Variants in FBXO2 observed in about 807,000 individuals in gnomAD.
The protein encoded by FBXO2 is F-box protein 2.
In FBXO2, 32 loss-of-function variants were observed where a neutral mutation model predicts 38.6. The ratio of observed to expected loss-of-function variants is 0.83; its 90% CI spans 0.62 to 1.11. FBXO2 has a LOEUF of 1.11. FBXO2 is among the 50% of genes most tolerant of loss of function. FBXO2 has a pLI of 0.00. For synonymous variants in FBXO2, 189 were observed against 182.9 expected (o/e 1.03, Z -0.27); for missense variants, 450 against 418.3 (o/e 1.08, Z -0.66).
chr1:11,650,226 T>A, intron 2 of FBXO2, 152 bp from the exon 3 acceptor site: 3 of 1,354,624 alleles, frequency 2.2e-6, no homozygotes, highest in Non-Finnish European at 3.0e-6. Context: ...AGTTTCTAAA[T>A]CTGCCTCCCG....
In FBXO2 at chr1:11,648,559, G is replaced by T. The variant is rs1639454561; in HGVS notation, c.*135C>A. ...AAAACTTCTCTCTCCCTGCTCAGGGGCTGGGATCGGAGCAAGGGATGGGAG... is the reference window on the plus strand; with the variant it reads ...AAAACTTCTCTCTCCCTGCTCAGGGTCTGGGATCGGAGCAAGGGATGGGAG... On this transcript the variant is annotated 3_prime_UTR_variant, in exon 6 of 6. Coordinates refer to ENST00000354287, the MANE Select transcript of FBXO2 (RefSeq NM_012168.6). This position sits in a 1 kb window ranked among gnomAD's most constrained non-coding sequence, Gnocchi z 4.2. 8.0e-7 allele frequency: 1 copy of T among 1,244,780 alleles called. No homozygotes were observed. The highest frequency in any genetic ancestry group is 2.6e-5 in the Admixed American group (1 of 38,980). 77.1% of individuals were successfully genotyped at this position (1,244,780 alleles called of 1,614,324 possible). A position where few individuals can be genotyped will look rare whatever the true frequency, so the allele number is the denominator to read the frequency against.
In FBXO2 at chr1:11,648,562, G is replaced by A; in HGVS notation, c.*132C>T. ...ACTTCTCTCTCCCTGCTCAGGGGCT[G>A]GGATCGGAGCAAGGGATGGGAGGAG... On this transcript the variant is annotated 3_prime_UTR_variant, in exon 6 of 6. Transcript: ENST00000354287. The surrounding 1 kb of genome is among the most constrained non-coding windows in gnomAD (Gnocchi z 4.2). 1 of 1,269,084 alleles carries A rather than the reference G, an allele frequency of 7.9e-7. No homozygotes were observed. Among genetic ancestry groups the A allele is most frequent in the Non-Finnish European group, 1.1e-6 (1 of 924,580 alleles). 78.6% of individuals were successfully genotyped at this position (1,269,084 alleles called of 1,614,324 possible). A position where few individuals can be genotyped will look rare whatever the true frequency, so the allele number is the denominator to read the frequency against.
Position 11,654,415 on chromosome 1 carries a change from G to A in FBXO2, c.-75C>T. ...GCGAGTCCCGGGGCGGCGAGTCCCG[G>A]CGCTGTCCGCGTCTGTGTCGGTCCC... On this transcript the variant is annotated 5_prime_UTR_variant, in exon 1 of 6. Transcript: ENST00000354287. The A allele has an allele frequency of 1.5e-6, 2 of 1,309,182 alleles. No homozygotes were observed. Among genetic ancestry groups the A allele is most frequent in the Non-Finnish European group, 9.8e-7 (1 of 1,025,398 alleles). The allele number at this position is 1,309,182 out of a possible 1,614,324, so 81.1% of individuals were successfully genotyped here. A position where few individuals can be genotyped will look rare whatever the true frequency, so the allele number is the denominator to read the frequency against.
chr1:11,653,569 A>C (rs535508875), intron 1 of FBXO2: 1 of 152,296 alleles, frequency 6.6e-6, no homozygotes, highest in South Asian at 2.1e-4. Flanking sequence ...CTGAGCTTTC[A>C]TCAGTCTGTT....
rs1639506029 is a variant in FBXO2, at chr1:11,650,732, GC to G, written c.124del (p.Ala42ProfsTer75). 2 of 1,528,964 alleles carry G rather than the reference GC, an allele frequency of 1.3e-6. No individual in the cohort carries two copies. Among genetic ancestry groups the G allele is most frequent in the African/African-American group, 2.8e-5 (2 of 71,310 alleles). 94.7% of individuals were successfully genotyped at this position (1,528,964 alleles called of 1,614,324 possible). A position where few individuals can be genotyped will look rare whatever the true frequency, so the allele number is the denominator to read the frequency against. ...CAGCTCGTCCAGGTACGCGGCGGCG[GC>G]CGCCGCCTCCTCCTCCTGCTGGTCC... ...PEDQQEEEAA[A>X]AAAYLDELPE... On this transcript the variant is annotated frameshift_variant, in exon 2 of 6. Coordinates refer to ENST00000354287, the MANE Select transcript of FBXO2 (RefSeq NM_012168.6). LOFTEE classifies it high-confidence loss of function.
intron 1 of FBXO2, chr1:11,653,996 C>A: frequency 2.8e-6 from 1 of 352,462 alleles, no homozygotes; most frequent in Non-Finnish European, 5.1e-6. Context: ...CGCAGCCTCC[C>A]TCCCAGACGC....
intron 2 of FBXO2, 102 bp from the exon 3 acceptor site, chr1:11,650,176 TTGG>T: frequency 6.6e-7 from 1 of 1,524,426 alleles, no homozygotes; most frequent in Non-Finnish European, 8.9e-7. Flanking sequence ...ACTTGGTGTC[TTGG>T]TGGGCAGATG....
At chr1:11,649,005 G>A in intron 5 of FBXO2, 82 bp downstream of exon 5, 1 of 1,357,746 alleles carries the variant, frequency 7.4e-7, no homozygotes, top group African/African-American at 1.4e-5. Context: ...CCCCAGCCCA[G>A]GAGCGCTGTG....
In FBXO2 at chr1:11,648,952, T is replaced by G. The variant is rs566553695; in HGVS notation, c.757-124A>C. 8 of 1,471,804 alleles carry G rather than the reference T, an allele frequency of 5.4e-6. No homozygotes were observed. Among genetic ancestry groups the G allele is most frequent in the Non-Finnish European group, 7.4e-6 (8 of 1,083,594 alleles). 91.2% of individuals were successfully genotyped at this position (1,471,804 alleles called of 1,614,324 possible). A position where few individuals can be genotyped will look rare whatever the true frequency, so the allele number is the denominator to read the frequency against. ...TTTCTCCGCGGTATTCAGAACTCTCTCCACCACCCGGTGACTATCTCAGCC... is the reference window on the plus strand; with the variant it reads ...TTTCTCCGCGGTATTCAGAACTCTCGCCACCACCCGGTGACTATCTCAGCC... On this transcript the variant is annotated intron_variant, in intron 5 of 5. Transcript: ENST00000354287. This position sits in a 1 kb window ranked among gnomAD's most constrained non-coding sequence, Gnocchi z 4.2.
At position 11,648,788 on chromosome 1, in the gene FBXO2, A is replaced by AAGCGGACGC; in HGVS notation, c.788_796dup (p.Arg265_Phe266insCysValArg). 1 of 1,613,736 alleles carries AAGCGGACGC rather than the reference A, an allele frequency of 6.2e-7. No homozygotes were observed. The highest frequency in any genetic ancestry group is 8.5e-7 in the Non-Finnish European group (1 of 1,180,018). Reference sequence around the variant, plus strand: ...CTGCCCCCCGTGCTCGAAGCGGACGAAGCGGACGCCCGGCCCGTAGTCGGT... The same window carrying AAGCGGACGC: ...CTGCCCCCCGTGCTCGAAGCGGACGAAGCGGACGCAGCGGACGCCCGGCCCGTAGTCGGT... On this transcript the variant is annotated inframe_insertion, in exon 6 of 6. Coordinates refer to ENST00000354287, the MANE Select transcript of FBXO2 (RefSeq NM_012168.6). This position sits in a 1 kb window ranked among gnomAD's most constrained non-coding sequence, Gnocchi z 4.2.
At position 11,648,554 on chromosome 1, in the gene FBXO2, C is replaced by A; in HGVS notation, c.*140G>T. On this transcript the variant is annotated 3_prime_UTR_variant, in exon 6 of 6. Coordinates refer to ENST00000354287, the MANE Select transcript of FBXO2 (RefSeq NM_012168.6). The surrounding 1 kb of genome is among the most constrained non-coding windows in gnomAD (Gnocchi z 4.2). ...CCAACAAAACTTCTCTCTCCCTGCTCAGGGGCTGGGATCGGAGCAAGGGAT... is the reference window on the plus strand; with the variant it reads ...CCAACAAAACTTCTCTCTCCCTGCTAAGGGGCTGGGATCGGAGCAAGGGAT... The A allele has an allele frequency of 8.2e-7, 1 of 1,222,208 alleles. No individual in the cohort carries two copies. The highest frequency in any genetic ancestry group is 1.1e-6 in the Non-Finnish European group (1 of 885,662). The allele number at this position is 1,222,208 out of a possible 1,614,324, so 75.7% of individuals were successfully genotyped here. A position where few individuals can be genotyped will look rare whatever the true frequency, so the allele number is the denominator to read the frequency against.
chr1:11,649,915 T>G, intron 3 of FBXO2, 30 bp downstream of exon 3: 2 of 1,613,874 alleles, frequency 1.2e-6, no homozygotes, highest in Non-Finnish European at 1.7e-6. Flanking sequence ...CGCTCCCCCC[T>G]TCCCACCTCC....
At position 11,650,605 on chromosome 1, in the gene FBXO2, G is replaced by T; in HGVS notation, c.252C>A (p.Gly84=). The T allele has an allele frequency of 6.3e-7, 1 of 1,590,432 alleles. No individual in the cohort carries two copies. The highest frequency in any genetic ancestry group is 8.5e-7 in the Non-Finnish European group (1 of 1,172,206). ...GGCACTTGAGCAGCCACAGCGGGGC[G>T]CCGTCCACCAGCTCCTTCCAGCGCA... ...VCLRWKELVD[G]APLWLLKCQQ... is the part of the protein sequence containing the mutation. Residue 84 remains glycine, a synonymous_variant, in exon 2 of 6, where the codon GGC becomes GGA. Coordinates refer to ENST00000354287, the MANE Select transcript of FBXO2 (RefSeq NM_012168.6).
In FBXO2 at chr1:11,648,994, A is replaced by AG. The variant is rs56192923; in HGVS notation, c.756+92_756+93insC. On this transcript the variant is annotated intron_variant, in intron 5 of 5. Coordinates refer to ENST00000354287, the MANE Select transcript of FBXO2 (RefSeq NM_012168.6). This position sits in a 1 kb window ranked among gnomAD's most constrained non-coding sequence, Gnocchi z 4.2. Reference sequence around the variant, plus strand: ...ATCTCAGCCCAGCCCAGCCCAGCCCACCCCAGCCCAGGAGCGCTGTGGGCG... The same window carrying AG: ...ATCTCAGCCCAGCCCAGCCCAGCCCAGCCCCAGCCCAGGAGCGCTGTGGGCG... 0.6 allele frequency: 797,793 copies of AG among 1,322,428 alleles called. 281,607 individuals are homozygous for AG. Among genetic ancestry groups the AG allele is most frequent in the Non-Finnish European group, 0.65 (628,317 of 960,742 alleles). The allele number at this position is 1,322,428 out of a possible 1,614,324, so 81.9% of individuals were successfully genotyped here.
Position 11,654,386 on chromosome 1 carries a change from C to G in FBXO2, c.-46G>C. On this transcript the variant is annotated 5_prime_UTR_variant, in exon 1 of 6. Coordinates refer to ENST00000354287, the MANE Select transcript of FBXO2 (RefSeq NM_012168.6). ...AGAGGAGGAGCCGGAGCGCTGCGGGCTGCGCGAGTCCCGGGGCGGCGAGTC... is the reference window on the plus strand; with the variant it reads ...AGAGGAGGAGCCGGAGCGCTGCGGGGTGCGCGAGTCCCGGGGCGGCGAGTC... 7.4e-7 allele frequency: 1 copy of G among 1,359,686 alleles called. No individual in the cohort carries two copies. The allele number at this position is 1,359,686 out of a possible 1,614,324, so 84.2% of individuals were successfully genotyped here.
chr1:11,648,944 G>A lies in FBXO2; in HGVS notation c.757-116C>T. The A allele has an allele frequency of 1.3e-6, 2 of 1,510,528 alleles. No individual in the cohort carries two copies. Among genetic ancestry groups the A allele is most frequent in the Middle Eastern group, 2.3e-4 (1 of 4,378 alleles). 93.6% of individuals were successfully genotyped at this position (1,510,528 alleles called of 1,614,324 possible). A position where few individuals can be genotyped will look rare whatever the true frequency, so the allele number is the denominator to read the frequency against. ...CCACTCGGTTTCTCCGCGGTATTCA[G>A]AACTCTCTCCACCACCCGGTGACTA... On this transcript the variant is annotated intron_variant, in intron 5 of 5. Coordinates refer to ENST00000354287, the MANE Select transcript of FBXO2 (RefSeq NM_012168.6). This position sits in a 1 kb window ranked among gnomAD's most constrained non-coding sequence, Gnocchi z 4.2.
intron 3 of FBXO2, 34 bp downstream of exon 3, chr1:11,649,911 C>T: frequency 6.2e-7 from 1 of 1,613,880 alleles, no homozygotes; most frequent in East Asian, 2.2e-5. Context: ...CGAACGCTCC[C>T]CCCTTCCCAC....
chr1:11,652,929 A>C (rs1421233561), intron 1 of FBXO2, among the ~76,000 whole-genome samples: 1 of 152,244 alleles, frequency 6.6e-6, no homozygotes, highest in African/African-American at 2.4e-5. Context: ...ACCTCATTGA[A>C]CACAGCACTT....
intron 1 of FBXO2, among the ~76,000 whole-genome samples, chr1:11,651,331 A>G (rs1490689755): frequency 6.6e-6 from 1 of 152,116 alleles, no homozygotes; most frequent in Non-Finnish European, 1.5e-5. Flanking sequence ...ACGGAGCCTT[A>G]TAAGGGCCAG....
Sources: allele counts gnomAD v4.1 joint callset (sites outside exome capture counted in the v4.1 genomes callset), GRCh38; gene constraint gnomAD v4.1.1; non-coding constraint Gnocchi (gnomAD v3.1); transcripts MANE v1.5; gene names NCBI Gene and HGNC (gene_info 2026-07-23, HGNC 2026-07-21).